The following CADM2 variants were observed in gnomAD, a reference collection of about 807,000 sequenced individuals.
CADM2 encodes immunoglobulin superfamily member 4D.
A neutral mutation model predicts 49.8 loss-of-function variants in CADM2; 12 were observed. That is an observed-to-expected ratio of 0.24 (90% CI 0.15 to 0.39). The LOEUF (loss-of-function observed/expected upper bound fraction) is 0.39. CADM2 is among the 10% of genes least tolerant of loss of function. CADM2 has a pLI of 1.00. For synonymous variants in CADM2, 214 were observed against 175.4 expected, an observed-to-expected ratio of 1.22 and a Z score of -1.74; for missense variants, 378 against 492.3, an observed-to-expected ratio of 0.77 and a Z score of 2.20.
intron 3 of CADM2, among the ~76,000 whole-genome samples, chr3:85,844,025 C>G (rs1184186847): frequency 6.6e-6 from 1 of 151,986 alleles, no homozygotes; most frequent in African/African-American, 2.4e-5. Context: ...GTCCCAGCAC[C>G]ACTTCTTCAT....
chr3:85,494,836 A>G (rs960455854), intron 1 of CADM2, among the ~76,000 whole-genome samples: 9 of 152,202 alleles, frequency 5.9e-5, no homozygotes, highest in Non-Finnish European at 1.3e-4. Context: ...CCCTAGGGAA[A>G]ATGCATTGCT....
chr3:85,391,156 A>G (rs554418567), intron 1 of CADM2, among the ~76,000 whole-genome samples: 1 of 152,126 alleles, frequency 6.6e-6, no homozygotes, highest in East Asian at 1.9e-4. Context: ...CTTCTTTCCA[A>G]TAGATTGGGA....
At chr3:85,823,686 T>C (rs1283413280) in intron 3 of CADM2, among the ~76,000 whole-genome samples, 1 of 152,150 alleles carries the variant, frequency 6.6e-6, no homozygotes. Context: ...AGCTATTAAT[T>C]TGCATTGTAC....
intron 1 of CADM2, among the ~76,000 whole-genome samples, chr3:85,455,654 A>G (rs189328211): frequency 1.1e-4 from 16 of 152,284 alleles, no homozygotes; most frequent in Admixed American, 2.0e-4. Context: ...ATTCTTACTT[A>G]ATATCACAGG....
intron 1 of CADM2, among the ~76,000 whole-genome samples, chr3:85,174,553 A>G (rs1298028973): frequency 1.3e-5 from 2 of 151,068 alleles, no homozygotes; most frequent in Non-Finnish European, 3.0e-5. Flanking sequence ...TTTTAATTAC[A>G]CTCTTTTCAA....
chr3:86,014,368 C>G, intron 8 of CADM2: 1 of 1,431,028 alleles, frequency 7.0e-7, no homozygotes, highest in Non-Finnish European at 9.3e-7. Flanking sequence ...TTATTTGCAG[C>G]TGGTAGCTTG....
At chr3:86,046,433 G>A (rs950507097) in intron 8 of CADM2, among the ~76,000 whole-genome samples, 25 of 152,084 alleles carry the variant, frequency 1.6e-4, no homozygotes, top group African/African-American at 5.5e-4. Context: ...AAGCATATTT[G>A]CCTAGATGAT....
intron 3 of CADM2, among the ~76,000 whole-genome samples, chr3:85,849,269 A>C (rs770793108): frequency 1.3e-5 from 2 of 152,230 alleles, no homozygotes; most frequent in African/African-American, 4.8e-5. Context: ...GTAAGATTAT[A>C]TACTTTCTTA....
chr3:85,807,843 A>G (rs1177104556), intron 3 of CADM2, among the ~76,000 whole-genome samples: 1 of 152,176 alleles, frequency 6.6e-6, no homozygotes, highest in African/African-American at 2.4e-5. Flanking sequence ...TTAACTGAGA[A>G]AACCCTTAGG....
chr3:85,055,521 A>G (rs1052915808), intron 1 of CADM2, among the ~76,000 whole-genome samples: 2 of 151,968 alleles, frequency 1.3e-5, no homozygotes, highest in Non-Finnish European at 2.9e-5. Context: ...TTCCTTTTCA[A>G]TTCAAGTGGC....
chr3:85,497,271 T>C (rs958416512), intron 1 of CADM2, among the ~76,000 whole-genome samples: 14 of 152,282 alleles, frequency 9.2e-5, no homozygotes, highest in Non-Finnish European at 1.9e-4. Context: ...GTGTGTATTT[T>C]CTCCCATTCT....
chr3:85,396,244 C>G (rs2034782795), intron 1 of CADM2, among the ~76,000 whole-genome samples: 1 of 151,450 alleles, frequency 6.6e-6, no homozygotes, highest in South Asian at 2.1e-4. Flanking sequence ...TTGCTTGCTG[C>G]TTGTGATCTT....
chr3:85,777,371 T>C (rs2070409385), intron 2 of CADM2, among the ~76,000 whole-genome samples: 1 of 152,018 alleles, frequency 6.6e-6, no homozygotes, highest in South Asian at 2.1e-4. Flanking sequence ...TTCTCTTGCC[T>C]CAGCCTCTGG....
chr3:85,559,075 A>C (rs1360573501), intron 1 of CADM2, among the ~76,000 whole-genome samples: 1 of 152,070 alleles, frequency 6.6e-6, no homozygotes. Flanking sequence ...TTATTTTTAA[A>C]TACCTCTCAA....
chr3:85,861,836 T>C (rs1440786632), intron 3 of CADM2, among the ~76,000 whole-genome samples: 6 of 151,912 alleles, frequency 3.9e-5, no homozygotes, highest in Non-Finnish European at 7.4e-5. Context: ...TTTCTTTTAA[T>C]AAGATAAAGC....
intron 3 of CADM2, among the ~76,000 whole-genome samples, chr3:85,865,029 G>A (rs930651197): frequency 6.6e-6 from 1 of 152,166 alleles, no homozygotes; most frequent in Non-Finnish European, 1.5e-5. Context: ...AGACATTTTA[G>A]GCAGGGCACT....
chr3:85,701,937 A>G (rs1191536359), intron 1 of CADM2, among the ~76,000 whole-genome samples: 54 of 151,736 alleles, frequency 3.6e-4, no homozygotes, highest in Non-Finnish European at 8.8e-5. Flanking sequence ...AAAGAAAAAG[A>G]AAGAAGAAAT....
In CADM2 at chr3:85,258,097, A is replaced by C. The variant is rs116064558; in HGVS notation, c.61+298429A>C. Among the ~76,000 whole-genome samples, 707 of 152,170 alleles carry C rather than the reference A, an allele frequency of 4.6e-3. 7 individuals carry two copies. Among genetic ancestry groups the C allele is most frequent in the African/African-American group, 0.016 (685 of 41,540 alleles). ...CACTTTCCTATTGGCTTGGATTCAGATTCCCCAAAGGTCACTGGCCCTTGT... is the reference window on the plus strand; with the variant it reads ...CACTTTCCTATTGGCTTGGATTCAGCTTCCCCAAAGGTCACTGGCCCTTGT... On this transcript the variant is annotated intron_variant, in intron 1 of 9. Coordinates refer to ENST00000383699, the MANE Select transcript of CADM2 (RefSeq NM_001167675.2).
intron 3 of CADM2, among the ~76,000 whole-genome samples, chr3:85,833,320 T>C (rs2074262676): frequency 6.6e-6 from 1 of 151,682 alleles, no homozygotes; most frequent in Non-Finnish European, 1.5e-5. Context: ...TTTGTTAGAT[T>C]TTGGCATCAG....
Sources: gnomAD v4.1 joint callset for allele counts (sites outside exome capture counted in the v4.1 genomes callset) on GRCh38, gnomAD v4.1.1 for gene constraint, MANE v1.5 for transcripts, NCBI Gene and HGNC (gene_info 2026-07-23, HGNC 2026-07-21) for gene names.